The following KEAP1 variants were observed in gnomAD, a reference collection of about 807,000 sequenced individuals.
KEAP1 encodes kelch like ECH associated protein 1.
In KEAP1, 26 loss-of-function variants were observed where a neutral mutation model predicts 59.7. The observed-to-expected ratio is 0.44, with a 90% confidence interval of 0.32 to 0.60. The LOEUF is 0.60. Ranked by LOEUF, KEAP1 falls within the 20% of genes least tolerant of loss-of-function variation. The pLI, the probability that KEAP1 is intolerant of heterozygous loss-of-function variation, is 0.06. For missense variants in KEAP1, 539 were observed against 871.4 expected (o/e 0.62, Z 4.80); for synonymous variants, 350 against 358.3 (o/e 0.98, Z 0.26).
intron 2 of KEAP1, among the ~76,000 whole-genome samples, chr19:10,493,082 G>A (rs569481656): frequency 7.9e-5 from 12 of 151,802 alleles, no homozygotes; most frequent in African/African-American, 1.9e-4. Flanking sequence ...TGCAACCTCC[G>A]CCACCCAGGT....
rs1326230350 is a variant in KEAP1, at chr19:10,489,832, C to G, written c.1347G>C (p.Glu449Asp). 6.2e-7 allele frequency: 1 copy of G among 1,613,928 alleles called. No individual in the cohort carries two copies. Among genetic ancestry groups the G allele is most frequent in the Admixed American group, 1.7e-5 (1 of 59,952 alleles). The change falls in exon 4 of 6, where the codon GAG (glutamate) becomes GAC (aspartate). Residue 449 changes from glutamate to aspartate, a missense_variant. Physicochemically the swap from Glu to Asp is conservative, Grantham distance 45 (BLOSUM62 2). Around this residue, in one of 4 missense-constraint regions of KEAP1, gnomAD observed 311 missense variants for 425.2 expected, o/e 0.73. Transcript: ENST00000171111. ...TCAGCATTGGGGCCACCAAGTGCCA[C>G]TCATCCCGCTCTGGCTCATACCTGC... is the stretch of plus-strand genomic sequence containing the variant. ...SVERYEPERD[E>D]WHLVAPMLTR...
rs2144600546 is a variant in KEAP1, at chr19:10,491,900, G to A, written c.1002C>T (p.Tyr334=). The change falls in exon 3 of 6, where the codon TAC becomes TAT. Residue 334 remains tyrosine (Y), a synonymous_variant. Transcript: ENST00000171111. The surrounding 1 kb of genome is among the most constrained non-coding windows in gnomAD (Gnocchi z 5.2). ...CCAGGTAGCTGAGCGACTGTCGGAA[G>A]TAGCCGCCCGCGGTGTAGATCAGGC... ...VGRLIYTAGG[Y]FRQSLSYLEA... is the part of the protein sequence containing the mutation. The A allele has an allele frequency of 1.2e-6, 2 of 1,613,540 alleles. No homozygotes were observed. The highest frequency in any genetic ancestry group is 1.7e-6 in the Non-Finnish European group (2 of 1,179,866).
At chr19:10,487,279 A>AGT (rs1914496642) in intron 5 of KEAP1, among the ~76,000 whole-genome samples, 7 of 152,062 alleles carry the variant, frequency 4.6e-5, no homozygotes, top group Non-Finnish European at 4.4e-5. Context: ...TCTGGGAGGC[A>AGT]GAGGTTGCAG....
In KEAP1 at chr19:10,491,789, G is replaced by T; in HGVS notation, c.1113C>A (p.Gly371=). 1 of 1,586,576 alleles carries T rather than the reference G, an allele frequency of 6.3e-7. No homozygotes were observed. The highest frequency in any genetic ancestry group is 8.6e-7 in the Non-Finnish European group (1 of 1,166,710). The change falls in exon 3 of 6, where the codon GGC becomes GGA. Residue 371 remains glycine, a synonymous_variant. Coordinates refer to ENST00000171111, the MANE Select transcript of KEAP1 (RefSeq NM_203500.2). This position sits in a 1 kb window ranked among gnomAD's most constrained non-coding sequence, Gnocchi z 5.2. ...PRSGLAGCVV[G]GLLYAVGGRN... is the part of the protein sequence containing the mutation. ...TGCCGCCCACGGCGTACAACAGCCC[G>T]CCCACCACGCAGCCGGCCAGGCCGC...
At position 10,491,773 on chromosome 19, in the gene KEAP1, C is replaced by A. The variant is rs1488420973; in HGVS notation, c.1129G>T (p.Val377Leu). Reference sequence around the variant, plus strand: ...TCGGGCGAGTTGTTCCTGCCGCCCACGGCGTACAACAGCCCGCCCACCACG... The same window carrying A: ...TCGGGCGAGTTGTTCCTGCCGCCCAAGGCGTACAACAGCCCGCCCACCACG... The part of the protein sequence containing the change: ...GCVVGGLLYA[V>L]GGRNNSPDGN... Residue 377 changes from valine (V) to leucine (L), a missense_variant, in exon 3 of 6, where the codon GTG (valine) becomes TTG (leucine). Transcript: ENST00000171111. This position sits in a 1 kb window ranked among gnomAD's most constrained non-coding sequence, Gnocchi z 5.2. The A allele has an allele frequency of 7.6e-6, 12 of 1,576,026 alleles. No individual in the cohort carries two copies. Among genetic ancestry groups the A allele is most frequent in the Non-Finnish European group, 9.5e-6 (11 of 1,160,762 alleles).
intron 5 of KEAP1, among the ~76,000 whole-genome samples, chr19:10,487,258 G>A (rs1914495862): frequency 6.6e-6 from 1 of 151,962 alleles, no homozygotes; most frequent in African/African-American, 2.4e-5. Flanking sequence ...AGGTGGGGAG[G>A]ATCAGTTGAG....
rs1568398001 is a variant in KEAP1 at position 10,491,439 on chromosome 19, G to A, written c.1325+138C>T. 3 of 661,494 alleles carry A rather than the reference G, an allele frequency of 4.5e-6. No homozygotes were observed. The highest frequency in any genetic ancestry group is 4.6e-6 in the Non-Finnish European group (2 of 431,428). The allele number at this position is 661,494 out of a possible 1,614,324, so 41.0% of individuals were successfully genotyped here. ...GTCACTGACTAGAACTCTCCAAGGA[G>A]CTTAGCTTCATCCTGAGGCCTCCAC... On this transcript the variant is annotated intron_variant, in intron 3 of 5. Transcript: ENST00000171111. This position sits in a 1 kb window ranked among gnomAD's most constrained non-coding sequence, Gnocchi z 5.2.
chr19:10,496,496 C>A (rs1436790248), intron 2 of KEAP1, among the ~76,000 whole-genome samples: 2 of 141,642 alleles, frequency 1.4e-5, no homozygotes, highest in Non-Finnish European at 3.0e-5. Context: ...CTCTGTCCCC[C>A]ACCCCCAAAA....
rs1915084457 is a variant in KEAP1, at chr19:10,502,680, C to T, written c.-48+561G>A. 2 of 152,270 alleles carry T rather than the reference C, an allele frequency of 1.3e-5. No homozygotes were observed. Among genetic ancestry groups the T allele is most frequent in the Admixed American group, 1.3e-4 (2 of 15,292 alleles). 9.4% of individuals were successfully genotyped at this position (152,270 alleles called of 1,614,324 possible). A position where few individuals can be genotyped will look rare whatever the true frequency, so the allele number is the denominator to read the frequency against. On this transcript the variant is annotated intron_variant, in intron 1 of 5. Transcript: ENST00000171111. The surrounding 1 kb of genome is among the most constrained non-coding windows in gnomAD (Gnocchi z 4.0). ...GCCCGCGATGCCCGCAGCCCGGGCACATCCCGCCTCACTCACCCCGCCATG... is the reference window on the plus strand; with the variant it reads ...GCCCGCGATGCCCGCAGCCCGGGCATATCCCGCCTCACTCACCCCGCCATG...
At position 10,491,648 on chromosome 19, in the gene KEAP1, C is replaced by A. The variant is rs746949637; in HGVS notation, c.1254G>T (p.Val418=). ...PMSVPRNRIG[V]GVIDGHIYAV... is the part of the protein sequence containing the mutation. Reference sequence around the variant, plus strand: ...CATAGATGTGGCCATCGATGACCCCCACCCCGATGCGGTTACGGGGCACGC... The same window carrying A: ...CATAGATGTGGCCATCGATGACCCCAACCCCGATGCGGTTACGGGGCACGC... The change falls in exon 3 of 6, where the codon GTG becomes GTT. Residue 418 remains valine (V), a synonymous_variant. Transcript: ENST00000171111. This position sits in a 1 kb window ranked among gnomAD's most constrained non-coding sequence, Gnocchi z 5.2. 1 of 1,593,208 alleles carries A rather than the reference C, an allele frequency of 6.3e-7. No individual in the cohort carries two copies. The highest frequency in any genetic ancestry group is 1.1e-5 in the South Asian group (1 of 87,664).
At chr19:10,489,093 CTA>C (rs1491114001) in intron 5 of KEAP1, 97 bp downstream of exon 5, 2 of 652,594 alleles carry the variant, frequency 3.1e-6, no homozygotes, top group Admixed American at 5.2e-5. Context: ...GACCTTGTTT[CTA>C]AAAAAAAAAA....
intron 2 of KEAP1, among the ~76,000 whole-genome samples, chr19:10,493,405 A>T (rs200393992): frequency 6.6e-6 from 1 of 150,670 alleles, no homozygotes; most frequent in Admixed American, 6.6e-5. Context: ...CTTGTGATCC[A>T]CCCGCCTTAG....
At chr19:10,501,325 C>T (rs1035248794) in intron 1 of KEAP1, among the ~76,000 whole-genome samples, 2 of 150,616 alleles carry the variant, frequency 1.3e-5, no homozygotes, top group Non-Finnish European at 3.0e-5. Flanking sequence ...GCAACCTCTG[C>T]CTCCCGAGTT....
At position 10,491,239 on chromosome 19, in the gene KEAP1, G is replaced by A. The variant is rs1378676097; in HGVS notation, c.1325+338C>T. 1.3e-5 allele frequency among the ~76,000 whole-genome samples: 2 copies of A among 151,960 alleles called. No homozygotes were observed. The highest frequency in any genetic ancestry group is 4.8e-5 in the African/African-American group (2 of 41,374). On this transcript the variant is annotated intron_variant, in intron 3 of 5. Coordinates refer to ENST00000171111, the MANE Select transcript of KEAP1 (RefSeq NM_203500.2). This position sits in a 1 kb window ranked among gnomAD's most constrained non-coding sequence, Gnocchi z 5.2. ...CTCTATTGCCCAGGCTAGTCTCCTGGACTCAAGCAATCCTCCCACCTCAGC... is the reference window on the plus strand; with the variant it reads ...CTCTATTGCCCAGGCTAGTCTCCTGAACTCAAGCAATCCTCCCACCTCAGC...
At chr19:10,490,336 CTTTTTT>C (rs60137738) in intron 3 of KEAP1, 4 of 98,102 alleles carry the variant, frequency 4.1e-5, no homozygotes, top group African/African-American at 8.0e-5. Flanking sequence ...AAGCTTCAAA[CTTTTTT>C]TTTTTTTTTT....
Position 10,493,631 on chromosome 19 carries a change from G to A in KEAP1, c.640-1369C>T, listed in dbSNP as rs552037807. On this transcript the variant is annotated intron_variant, in intron 2 of 5. Coordinates refer to ENST00000171111, the MANE Select transcript of KEAP1 (RefSeq NM_203500.2). The stretch of plus-strand genomic sequence containing the variant: ...GGCCGGACTGCAGTGGCGCTATCTC[G>A]GCTCACTGCAAGCTCCACCTCCCGG... Among the ~76,000 whole-genome samples, 10 of 132,248 alleles carry A rather than the reference G, an allele frequency of 7.6e-5. No homozygotes were observed. In the East Asian group the frequency reaches 1.1e-3, roughly 15 times the overall value. The allele number at this position is 132,248 out of a possible 152,430, so 86.8% of individuals were successfully genotyped here.
chr19:10,487,206 C>T (rs533085721), intron 5 of KEAP1, among the ~76,000 whole-genome samples: 9 of 151,880 alleles, frequency 5.9e-5, no homozygotes, highest in African/African-American at 2.2e-4. Flanking sequence ...TTTAGCCAGG[C>T]TTGGTGGTGC....
At position 10,491,863 on chromosome 19, in the gene KEAP1, G is replaced by C. The variant is rs1914685823; in HGVS notation, c.1039C>G (p.Pro347Ala). 6.2e-7 allele frequency: 1 copy of C among 1,612,514 alleles called. No homozygotes were observed. The highest frequency in any genetic ancestry group is 8.5e-7 in the Non-Finnish European group (1 of 1,179,462). ...AACCGGAGCCAGGTGCCGTCACTGGGGTTGTAAGCCTCCAGGTAGCTGAGC... is the reference window on the plus strand; with the variant it reads ...AACCGGAGCCAGGTGCCGTCACTGGCGTTGTAAGCCTCCAGGTAGCTGAGC... ...QSLSYLEAYN[P>A]SDGTWLRLAD... is the part of the protein sequence containing the mutation. Residue 347 changes from proline (P) to alanine (A), a missense_variant, in exon 3 of 6, where the codon CCC becomes GCC. Transcript: ENST00000171111. This position sits in a 1 kb window ranked among gnomAD's most constrained non-coding sequence, Gnocchi z 5.2.
chr19:10,489,857 C>T lies in KEAP1; in HGVS notation c.1326-4G>A. On this transcript the variant is annotated splice_region_variant and splice_polypyrimidine_tract_variant and intron_variant, in intron 3 of 5. Transcript: ENST00000171111. ...CTCATCCCGCTCTGGCTCATACCTG[C>T]AAGGGCGTAAGAAAAATGGGGACAA... 6.2e-7 allele frequency: 1 copy of T among 1,612,004 alleles called. No individual in the cohort carries two copies.
Sources: allele counts gnomAD v4.1 joint callset (sites outside exome capture counted in the v4.1 genomes callset), GRCh38; gene constraint gnomAD v4.1.1; regional missense constraint gnomAD v4.1.1; non-coding constraint Gnocchi (gnomAD v3.1); transcripts MANE v1.5; gene names NCBI Gene and HGNC (gene_info 2026-07-23, HGNC 2026-07-21).